The following DLGAP1 variants were observed in gnomAD, a reference collection of about 807,000 sequenced individuals.
DLGAP1 encodes DLG associated protein 1.
Under a neutral mutation model 90.8 loss-of-function variants are expected in DLGAP1, and 11 were observed. The observed-to-expected ratio is 0.12, with a 90% CI of 0.08 to 0.20. The LOEUF is 0.20. DLGAP1 is among the 10% of genes least tolerant of loss of function. The pLI is 1.00. For missense variants in DLGAP1, 1,050 were observed against 1,333.8 expected, an observed-to-expected ratio of 0.79 and a Z score of 3.31; for synonymous variants, 558 against 540.7, an observed-to-expected ratio of 1.03 and a Z score of -0.44.
intron 3 of DLGAP1, among the ~76,000 whole-genome samples, chr18:3,887,936 G>C (rs958827423): frequency 4.6e-5 from 7 of 151,340 alleles, no homozygotes; most frequent in African/African-American, 7.3e-5. Context: ...GTCAAACCCC[G>C]TCTCTACTAA....
At chr18:3,960,703 G>C (rs2073180315) in intron 3 of DLGAP1, among the ~76,000 whole-genome samples, 1 of 152,254 alleles carries the variant, frequency 6.6e-6, no homozygotes, top group Admixed American at 6.5e-5. Flanking sequence ...AGCCGAGGCT[G>C]TTAGTCTGGG....
intron 2 of DLGAP1, among the ~76,000 whole-genome samples, chr18:4,131,197 C>CGTGTGT (rs151048659): frequency 1.3e-5 from 2 of 150,650 alleles, no homozygotes; most frequent in African/African-American, 4.9e-5. Context: ...AAAACGTGGG[C>CGTGTGT]GTGTGTGTGT....
At chr18:3,744,537 C>G (rs1041543456) in intron 5 of DLGAP1, among the ~76,000 whole-genome samples, 3 of 152,012 alleles carry the variant, frequency 2.0e-5, no homozygotes, top group African/African-American at 7.3e-5. Flanking sequence ...AACGTAATTG[C>G]GACAAAAATC....
chr18:4,074,375 T>G (rs1382854169), intron 2 of DLGAP1, among the ~76,000 whole-genome samples: 1 of 152,128 alleles, frequency 6.6e-6, no homozygotes, highest in Non-Finnish European at 1.5e-5. Flanking sequence ...TTCTCTCACT[T>G]AAATTTTCAT....
chr18:3,990,427 C>T (rs1295417610), intron 3 of DLGAP1, among the ~76,000 whole-genome samples: 8 of 139,948 alleles, frequency 5.7e-5, no homozygotes, highest in East Asian at 2.1e-4. Context: ...AGGTGGGAAT[C>T]GAACAATGAG....
chr18:4,173,627 G>A (rs1480004126), intron 1 of DLGAP1, among the ~76,000 whole-genome samples: 2 of 152,162 alleles, frequency 1.3e-5, no homozygotes, highest in African/African-American at 4.8e-5. Flanking sequence ...CACATGGGAA[G>A]CATGACACTG....
At chr18:4,227,006 G>C (rs2078205175) in intron 1 of DLGAP1, among the ~76,000 whole-genome samples, 1 of 151,498 alleles carries the variant, frequency 6.6e-6, no homozygotes, top group Non-Finnish European at 1.5e-5. Context: ...AAAATAAAAG[G>C]GATGGAAAAA....
At chr18:4,135,810 G>A (rs944100039) in intron 2 of DLGAP1, among the ~76,000 whole-genome samples, 15 of 83,116 alleles carry the variant, frequency 1.8e-4, no homozygotes, top group Non-Finnish European at 2.3e-4. Flanking sequence ...TTTTTTTTAC[G>A]GCTGAATAGT....
intron 6 of DLGAP1, among the ~76,000 whole-genome samples, chr18:3,741,020 C>CCT (rs1555649321): frequency 1.2e-3 from 91 of 74,960 alleles, no homozygotes; most frequent in African/African-American, 4.0e-3. Context: ...ACCACCATCA[C>CCT]CACCACCACC....
intron 1 of DLGAP1, among the ~76,000 whole-genome samples, chr18:4,417,022 T>C (rs1447104526): frequency 1.3e-5 from 2 of 152,226 alleles, no homozygotes; most frequent in African/African-American, 2.4e-5. Context: ...GCAGTCATTC[T>C]ATACCCATTG....
At chr18:3,870,624 C>CTATCTATT (rs1412654180) in intron 4 of DLGAP1, among the ~76,000 whole-genome samples, 2 of 120,024 alleles carry the variant, frequency 1.7e-5, no homozygotes, top group Non-Finnish European at 4.1e-5. Context: ...ATCTATCTAT[C>CTATCTATT]TATCTATCTA....
intron 9 of DLGAP1, among the ~76,000 whole-genome samples, chr18:3,554,321 A>G (rs2053633376): frequency 6.6e-6 from 1 of 152,198 alleles, no homozygotes; most frequent in East Asian, 1.9e-4. Context: ...CAGCAAACAC[A>G]TGCTATGTGT....
chr18:3,595,175 T>C (rs979189235), intron 7 of DLGAP1, among the ~76,000 whole-genome samples: 2 of 152,150 alleles, frequency 1.3e-5, no homozygotes, highest in Non-Finnish European at 2.9e-5. Flanking sequence ...AGGGCACCCA[T>C]TGAGAGGCGG....
intron 1 of DLGAP1, among the ~76,000 whole-genome samples, chr18:4,202,647 GA>G (rs2077629696): frequency 6.6e-6 from 1 of 152,036 alleles, no homozygotes; most frequent in Admixed American, 6.6e-5. Context: ...TGATATTAAT[GA>G]AAAGTAAAAG....
At chr18:4,327,981 C>T (rs958128757) in intron 1 of DLGAP1, among the ~76,000 whole-genome samples, 12 of 151,024 alleles carry the variant, frequency 7.9e-5, no homozygotes, top group East Asian at 3.9e-4. Flanking sequence ...TAATATAATA[C>T]GAAAAGACTG....
intron 1 of DLGAP1, among the ~76,000 whole-genome samples, chr18:4,334,815 T>C (rs996273271): frequency 6.6e-6 from 1 of 151,902 alleles, no homozygotes; most frequent in African/African-American, 2.4e-5. Context: ...ATATATTCCT[T>C]TGAGTTTGAC....
At chr18:3,744,753 C>T (rs1432990706) in intron 5 of DLGAP1, among the ~76,000 whole-genome samples, 2 of 152,092 alleles carry the variant, frequency 1.3e-5, no homozygotes, top group Non-Finnish European at 2.9e-5. Context: ...ACCATGTTGG[C>T]CCGGCTGGTC....
chr18:4,244,110 A>C (rs913067849), intron 1 of DLGAP1, among the ~76,000 whole-genome samples: 2 of 152,178 alleles, frequency 1.3e-5, no homozygotes, highest in Admixed American at 1.3e-4. Flanking sequence ...CATCAAAAAT[A>C]TCTCTTATCT....
At chr18:3,855,957 AG>A (rs1380921131) in intron 4 of DLGAP1, among the ~76,000 whole-genome samples, 2 of 152,202 alleles carry the variant, frequency 1.3e-5, no homozygotes, top group Non-Finnish European at 2.9e-5. Context: ...TTCAAAGAGA[AG>A]TGGATTTGGA....
Sources: gnomAD v4.1 joint callset for allele counts (sites outside exome capture counted in the v4.1 genomes callset) on GRCh38, gnomAD v4.1.1 for gene constraint, MANE v1.5 for transcripts, NCBI Gene and HGNC (gene_info 2026-07-23, HGNC 2026-07-21) for gene names.